AGAP3: variants seen among roughly 807,000 people sequenced by gnomAD.
AGAP3 encodes ArfGAP with GTPase domain, ankyrin repeat and PH domain 3, also known as arf-GAP with GTPase, ANK repeat and PH domain-containing protein 3.
In AGAP3, 24 loss-of-function variants were observed where a neutral mutation model predicts 96.9. The ratio of observed to expected loss-of-function variants is 0.25; its 90% CI spans 0.18 to 0.35. AGAP3 has a LOEUF of 0.35. Ranked by LOEUF, AGAP3 falls within the 10% of genes least tolerant of loss-of-function variation. The pLI is 1.00. For synonymous variants in AGAP3, 563 were observed against 536.1 expected (o/e 1.05, Z -0.69); for missense variants, 876 against 1,254.2 (o/e 0.70, Z 4.55).
At chr7:151,119,618 CCT>C (rs1799770888) in intron 7 of AGAP3, among the ~76,000 whole-genome samples, 1 of 152,192 alleles carries the variant, frequency 6.6e-6, no homozygotes, top group Admixed American at 6.5e-5. Flanking sequence ...CCGGGGTGAC[CCT>C]CTACCTCCTT....
chr7:151,111,656 C>T (rs1432868430), intron 1 of AGAP3, among the ~76,000 whole-genome samples: 1 of 152,124 alleles, frequency 6.6e-6, no homozygotes, highest in Non-Finnish European at 1.5e-5. Flanking sequence ...TAACTAGAGT[C>T]GGCTTCTCCT....
intron 11 of AGAP3, among the ~76,000 whole-genome samples, chr7:151,136,010 TG>T (rs757557789): frequency 1.3e-5 from 2 of 152,174 alleles, no homozygotes; most frequent in Non-Finnish European, 2.9e-5. Flanking sequence ...CCACCCATCA[TG>T]GGGCTGTGCC....
chr7:151,134,482 C>A lies in AGAP3; in HGVS notation c.1409C>A (p.Ala470Asp). The A allele has an allele frequency of 6.2e-7, 1 of 1,611,880 alleles. No individual in the cohort carries two copies. Among genetic ancestry groups the A allele is most frequent in the Non-Finnish European group, 8.5e-7 (1 of 1,179,690 alleles). The change falls in exon 11 of 18, where the codon GCC (alanine) becomes GAC (aspartate). Residue 470 changes from alanine (A) to aspartate (D), a missense_variant. Around this residue, in one of 8 missense-constraint regions of AGAP3, gnomAD observed 63 missense variants for 114.5 expected, o/e 0.55. Transcript: ENST00000397238. ...GTGCCAGGGAAGCGCCTGCCCCGAG[C>A]CACACCTGCCACAGCCCCGGGCACC... ...VKVPGKRLPRATPATAPGTSP... is the reference protein window; with the variant it reads ...VKVPGKRLPRDTPATAPGTSP...
chr7:151,138,012 C>T (rs933213868), intron 11 of AGAP3, 131 bp from the exon 12 acceptor site: 15 of 743,756 alleles, frequency 2.0e-5, no homozygotes, highest in East Asian at 8.2e-5. Context: ...GAAGCTGGCC[C>T]GCCACCTGAT....
At chr7:151,123,700 G>A in intron 8 of AGAP3, 94 bp from the exon 9 acceptor site, 2 of 1,586,126 alleles carry the variant, frequency 1.3e-6, no homozygotes, top group Middle Eastern at 1.7e-4. Context: ...GGCTGCCCAG[G>A]AGGAGGGAGG....
In AGAP3 at chr7:151,143,342, G is replaced by C. The variant is rs1431657823; in HGVS notation, c.2275G>C (p.Glu759Gln). 1 of 1,609,356 alleles carries C rather than the reference G, an allele frequency of 6.2e-7. No homozygotes were observed. Among genetic ancestry groups the C allele is most frequent in the Non-Finnish European group, 8.5e-7 (1 of 1,176,936 alleles). The change falls in exon 17 of 18, where the codon GAG becomes CAG. Residue 759 changes from glutamate (E) to glutamine (Q), a missense_variant and splice_region_variant. Physicochemically the swap from Glu to Gln is conservative, Grantham distance 29. Transcript: ENST00000397238. This position sits in a 1 kb window ranked among gnomAD's most constrained non-coding sequence, Gnocchi z 5.9. ...YSKPGPDACR[E>Q]EKERWIRAKY... Reference sequence around the variant, plus strand: ...GCCCTGATGGGCCTGTGGTTGCAGAGAGGAGAAGGAACGCTGGATACGGGC... The same window carrying C: ...GCCCTGATGGGCCTGTGGTTGCAGACAGGAGAAGGAACGCTGGATACGGGC...
At chr7:151,123,149 C>G in intron 8 of AGAP3, 1 of 1,092,086 alleles carries the variant, frequency 9.2e-7, no homozygotes. Flanking sequence ...CCCTCCTCTG[C>G]TCCTTCCTGC....
chr7:151,104,005 C>T (rs7806979), intron 1 of AGAP3, among the ~76,000 whole-genome samples: 5 of 152,064 alleles, frequency 3.3e-5, no homozygotes, highest in South Asian at 2.1e-4. Flanking sequence ...AGTGCCGTGG[C>T]GGGGGCGTGA....
At position 151,096,159 on chromosome 7, in the gene AGAP3, G is replaced by C. The variant is rs532506029; in HGVS notation, c.331+9087G>C. ...AGGATGTGCGTGCTGGGTGGCGACT[G>C]TCTCATTACTTGTCTCAGAGGCTCA... On this transcript the variant is annotated intron_variant, in intron 1 of 17. Coordinates refer to ENST00000397238, the MANE Select transcript of AGAP3 (RefSeq NM_031946.7). This position sits in a 1 kb window ranked among gnomAD's most constrained non-coding sequence, Gnocchi z 4.4. Among the ~76,000 whole-genome samples, 4 of 152,238 alleles carry C rather than the reference G, an allele frequency of 2.6e-5. No homozygotes were observed. Among genetic ancestry groups the C allele is most frequent in the Non-Finnish European group, 5.9e-5 (4 of 68,044 alleles).
In AGAP3 at chr7:151,120,094, C is replaced by T. The variant is rs1799803682; in HGVS notation, c.1077C>T (p.Ser359=). Residue 359 remains serine, a synonymous_variant, in exon 8 of 18, where the codon TCC becomes TCT. Transcript: ENST00000397238. ...ELRIETIAAS[S]TPTPIRKQSK... ...GCATCGAGACCATCGCTGCCTCCTC[C>T]ACCCCCACACCCATCCGAAAGCAGT... 1 of 1,613,886 alleles carries T rather than the reference C, an allele frequency of 6.2e-7. No individual in the cohort carries two copies. Among genetic ancestry groups the T allele is most frequent in the Non-Finnish European group, 8.5e-7 (1 of 1,179,874 alleles).
rs879739943 is a variant in AGAP3 at position 151,122,624 on chromosome 7, C to G, written c.1129-1170C>G. 14 of 1,416,762 alleles carry G rather than the reference C, an allele frequency of 9.9e-6. No individual in the cohort carries two copies. The South Asian group carries it at 1.1e-4, about 11-fold the overall frequency. 87.8% of individuals were successfully genotyped at this position (1,416,762 alleles called of 1,614,324 possible). A position where few individuals can be genotyped will look rare whatever the true frequency, so the allele number is the denominator to read the frequency against. ...CTCCTCCTCTTCATCCCGCTGCCGC[C>G]GCTCCCCAGGCGCCTGGGTCTCTGC... On this transcript the variant is annotated intron_variant, in intron 8 of 17. Coordinates refer to ENST00000397238, the MANE Select transcript of AGAP3 (RefSeq NM_031946.7).
At chr7:151,100,493 C>T (rs928586568) in intron 1 of AGAP3, among the ~76,000 whole-genome samples, 3 of 152,178 alleles carry the variant, frequency 2.0e-5, no homozygotes, top group South Asian at 2.1e-4. Flanking sequence ...CAGCAAGCTG[C>T]GGTGTAAACC....
intron 1 of AGAP3, chr7:151,115,105 G>GCCGCAC: frequency 9.7e-7 from 1 of 1,031,656 alleles, no homozygotes; most frequent in South Asian, 3.4e-5. Context: ...ACCCGGCGCA[G>GCCGCAC]CCGCACCCGC....
In AGAP3 at chr7:151,142,582, G is replaced by T; in HGVS notation, c.2221G>T (p.Val741Phe). ...TAMGNALANSVWEGALGGYSK... is the reference protein window; with the variant it reads ...TAMGNALANSFWEGALGGYSK... Reference sequence around the variant, plus strand: ...CATGGGCAATGCCCTCGCCAACAGCGTCTGGGAGGGGGCCTTGGGTGGCTA... The same window carrying T: ...CATGGGCAATGCCCTCGCCAACAGCTTCTGGGAGGGGGCCTTGGGTGGCTA... The change falls in exon 16 of 18, where the codon GTC becomes TTC. Residue 741 changes from valine to phenylalanine, a missense_variant. Coordinates refer to ENST00000397238, the MANE Select transcript of AGAP3 (RefSeq NM_031946.7). The surrounding 1 kb of genome is among the most constrained non-coding windows in gnomAD (Gnocchi z 7.5). 1 of 1,613,564 alleles carries T rather than the reference G, an allele frequency of 6.2e-7. No individual in the cohort carries two copies. The highest frequency in any genetic ancestry group is 8.5e-7 in the Non-Finnish European group (1 of 1,180,022).
chr7:151,117,400 G>C lies in AGAP3; in HGVS notation c.508G>C (p.Asp170His). The C allele has an allele frequency of 1.2e-6, 2 of 1,614,246 alleles. No individual in the cohort carries two copies. Among genetic ancestry groups the C allele is most frequent in the Non-Finnish European group, 1.7e-6 (2 of 1,180,036 alleles). Residue 170 changes from aspartate (D) to histidine (H), a missense_variant, in exon 4 of 18, where the codon GAT (aspartate) becomes CAT (histidine). By Grantham distance (81) the Asp-to-His change is moderately conservative. This residue lies in a region of AGAP3 where 131 missense variants were observed against 304.5 expected (regional missense o/e 0.43). Coordinates refer to ENST00000397238, the MANE Select transcript of AGAP3 (RefSeq NM_031946.7). ...GCGGTTTAAGAAGGAGATTGTGGTG[G>C]ATGGCCAGAGTTACCTGCTGCTGAT... is the stretch of plus-strand genomic sequence containing the variant. ...GGRFKKEIVV[D>H]GQSYLLLIRD... is the part of the protein sequence containing the mutation.
rs1382994257 is a variant in AGAP3 at position 151,141,735 on chromosome 7, C to T, written c.1805-163C>T. On this transcript the variant is annotated intron_variant, in intron 13 of 17. Transcript: ENST00000397238. The surrounding 1 kb of genome is among the most constrained non-coding windows in gnomAD (Gnocchi z 4.2). ...TAGTCTTGCAGGTTTACTCTGGCCT[C>T]CCCCTGCAAGCTGTCCTGGAGTGTG... 4 of 790,456 alleles carry T rather than the reference C, an allele frequency of 5.1e-6. No individual in the cohort carries two copies. The highest frequency in any genetic ancestry group is 1.7e-5 in the African/African-American group (1 of 58,020). The allele number at this position is 790,456 out of a possible 1,614,324, so 49.0% of individuals were successfully genotyped here. A position where few individuals can be genotyped will look rare whatever the true frequency, so the allele number is the denominator to read the frequency against.
intron 8 of AGAP3, chr7:151,123,574 C>A: frequency 7.2e-7 from 1 of 1,382,460 alleles, no homozygotes; most frequent in South Asian, 1.6e-5. Context: ...AAGGGGCGGG[C>A]CCGGCTCAGT....
intron 9 of AGAP3, among the ~76,000 whole-genome samples, chr7:151,126,356 G>A (rs1475418042): frequency 3.3e-5 from 5 of 150,838 alleles, no homozygotes; most frequent in African/African-American, 4.9e-5. Context: ...GGAGCAGAGC[G>A]GAGCAGAGCA....
chr7:151,087,946 C>G (rs1417947155), intron 1 of AGAP3, among the ~76,000 whole-genome samples: 2 of 152,378 alleles, frequency 1.3e-5, no homozygotes, highest in South Asian at 2.1e-4. Context: ...GACCTTCGAG[C>G]GGGCACGGAC....
Sources: allele counts gnomAD v4.1 joint callset (sites outside exome capture counted in the v4.1 genomes callset), GRCh38; gene constraint gnomAD v4.1.1; regional missense constraint gnomAD v4.1.1; non-coding constraint Gnocchi (gnomAD v3.1); transcripts MANE v1.5; gene names NCBI Gene and HGNC (gene_info 2026-07-23, HGNC 2026-07-21).